RBFOX1: variants seen among roughly 807,000 people sequenced by gnomAD.
The protein encoded by RBFOX1 is RNA binding fox-1 homolog 1.
Under a neutral mutation model 57.7 loss-of-function variants are expected in RBFOX1, and 8 were observed. That is an observed-to-expected ratio of 0.14 (90% CI 0.08 to 0.25). The LOEUF is 0.25. RBFOX1 is among the 10% of genes least tolerant of loss of function. The pLI is 1.00. For missense variants in RBFOX1, 611 were observed against 548.5 expected, an observed-to-expected ratio of 1.11 and a Z score of -1.14; for synonymous variants, 326 against 222.4, an observed-to-expected ratio of 1.47 and a Z score of -4.15.
At chr16:7,301,358 C>T (rs1323957603) in intron 4 of RBFOX1, among the ~76,000 whole-genome samples, 3 of 152,184 alleles carry the variant, frequency 2.0e-5, no homozygotes, top group Admixed American at 2.0e-4. Flanking sequence ...ATCCAGAGAG[C>T]AGAGCCCGAC....
At chr16:6,148,312 G>A (rs2152717763) in intron 1 of RBFOX1, among the ~76,000 whole-genome samples, 1 of 152,370 alleles carries the variant, frequency 6.6e-6, no homozygotes, top group South Asian at 2.1e-4. Flanking sequence ...GGGCGACGGA[G>A]TGAGACTCCG....
intron 3 of RBFOX1, among the ~76,000 whole-genome samples, chr16:5,631,114 A>G (rs35650966): frequency 0.18 from 26,727 of 152,212 alleles, 2,530 homozygotes; most frequent in East Asian, 0.29. Flanking sequence ...CATTTGAAAC[A>G]ATCTAAAGCA....
At chr16:7,163,594 C>T (rs1213898939) in intron 4 of RBFOX1, among the ~76,000 whole-genome samples, 1 of 152,016 alleles carries the variant, frequency 6.6e-6, no homozygotes, top group Non-Finnish European at 1.5e-5. Flanking sequence ...TCAGTTTCTA[C>T]AGAGCAGAAT....
At chr16:6,514,608 C>A (rs572186150) in intron 2 of RBFOX1, among the ~76,000 whole-genome samples, 10 of 152,276 alleles carry the variant, frequency 6.6e-5, no homozygotes, top group African/African-American at 2.4e-4. Flanking sequence ...CCTCACCACG[C>A]ATTTGTGTAC....
intron 3 of RBFOX1, among the ~76,000 whole-genome samples, chr16:6,692,827 A>T (rs754603993): frequency 6.6e-6 from 1 of 152,016 alleles, no homozygotes; most frequent in East Asian, 1.9e-4. Context: ...CATCATCAAC[A>T]TTATCTTCAT....
At chr16:7,042,548 C>A (rs141272510) in intron 3 of RBFOX1, among the ~76,000 whole-genome samples, 1 of 152,216 alleles carries the variant, frequency 6.6e-6, no homozygotes, top group Non-Finnish European at 1.5e-5. Flanking sequence ...AAGCTTATAA[C>A]TAGGAACTGT....
intron 1 of RBFOX1, among the ~76,000 whole-genome samples, chr16:5,457,062 G>C (rs926627394): frequency 6.6e-6 from 1 of 152,186 alleles, no homozygotes; most frequent in Non-Finnish European, 1.5e-5. Flanking sequence ...TCCAGGGGAG[G>C]ACTCGCTTCC....
chr16:6,657,521 C>T (rs1253062119), intron 3 of RBFOX1, among the ~76,000 whole-genome samples: 3 of 152,050 alleles, frequency 2.0e-5, no homozygotes, highest in South Asian at 2.1e-4. Context: ...GAGTGATTGC[C>T]GTCAGGTTCT....
intron 1 of RBFOX1, among the ~76,000 whole-genome samples, chr16:6,194,681 T>A (rs1050494288): frequency 6.6e-6 from 1 of 152,144 alleles, no homozygotes; most frequent in Non-Finnish European, 1.5e-5. Context: ...TTTGTCTCAT[T>A]TTCTGGGTTA....
At chr16:6,221,229 T>G (rs2097371323) in intron 1 of RBFOX1, among the ~76,000 whole-genome samples, 1 of 152,228 alleles carries the variant, frequency 6.6e-6, no homozygotes, top group South Asian at 2.1e-4. Context: ...GCAATGCATA[T>G]AAATGCTAGT....
intron 1 of RBFOX1, among the ~76,000 whole-genome samples, chr16:6,048,774 C>T (rs540143286): frequency 1.3e-5 from 2 of 152,242 alleles, no homozygotes; most frequent in East Asian, 1.9e-4. Flanking sequence ...GTATGGTTTT[C>T]GTTCATTCCT....
rs149122991 is a variant in RBFOX1, at chr16:5,871,375, C to G, written c.351+4040C>G. On this transcript the variant is annotated intron_variant, in intron 4 of 19. Transcript: ENST00000641259. Reference sequence around the variant, plus strand: ...ATAAATGGCCCAATTTCCATGTCCACATGATGAATGGAATGCAAGTTCAGC... The same window carrying G: ...ATAAATGGCCCAATTTCCATGTCCAGATGATGAATGGAATGCAAGTTCAGC... 1.5e-3 allele frequency among the ~76,000 whole-genome samples: 223 copies of G among 152,326 alleles called. 7 individuals are homozygous for G. In the East Asian group the frequency reaches 0.037, roughly 25 times the overall value.
chr16:7,019,665 A>G (rs2094108022), intron 3 of RBFOX1, among the ~76,000 whole-genome samples: 1 of 152,188 alleles, frequency 6.6e-6, no homozygotes, highest in Middle Eastern at 3.2e-3. Context: ...ATTACTGGGA[A>G]AGGTGTGACT....
intron 3 of RBFOX1, among the ~76,000 whole-genome samples, chr16:6,821,697 G>A (rs956862568): frequency 2.0e-5 from 3 of 152,172 alleles, no homozygotes; most frequent in African/African-American, 7.2e-5. Flanking sequence ...TAATTCACAT[G>A]ATAGCCTGTA....
At chr16:6,586,930 T>G (rs1048667720) in intron 2 of RBFOX1, among the ~76,000 whole-genome samples, 1 of 152,192 alleles carries the variant, frequency 6.6e-6, no homozygotes, top group South Asian at 2.1e-4. Context: ...ACAGGATGTT[T>G]TGAAATATAT....
intron 1 of RBFOX1, among the ~76,000 whole-genome samples, chr16:6,065,685 C>A (rs1420114536): frequency 6.6e-6 from 1 of 152,154 alleles, no homozygotes; most frequent in Admixed American, 6.5e-5. Flanking sequence ...GGTTAGAAGA[C>A]CTGGCTTTGA....
intron 1 of RBFOX1, among the ~76,000 whole-genome samples, chr16:6,260,225 T>C (rs1198612487): frequency 6.6e-6 from 1 of 152,174 alleles, no homozygotes; most frequent in Non-Finnish European, 1.5e-5. Context: ...ACAATTGATA[T>C]ATTGCCGCAG....
intron 3 of RBFOX1, among the ~76,000 whole-genome samples, chr16:5,807,774 C>T (rs932847348): frequency 5.3e-5 from 8 of 152,150 alleles, no homozygotes; most frequent in African/African-American, 1.9e-4. Context: ...AATGCAGGCT[C>T]TTGTTTACTT....
At chr16:6,825,187 T>TG (rs1345396818) in intron 3 of RBFOX1, among the ~76,000 whole-genome samples, 3 of 149,814 alleles carry the variant, frequency 2.0e-5, no homozygotes, top group South Asian at 2.1e-4. Flanking sequence ...TCCTTTCTTG[T>TG]GGGGGGGCTG....
Sources: allele counts gnomAD v4.1 joint callset (sites outside exome capture counted in the v4.1 genomes callset), GRCh38; gene constraint gnomAD v4.1.1; transcripts MANE v1.5; gene names NCBI Gene and HGNC (gene_info 2026-07-23, HGNC 2026-07-21).